Variants in TESPA1 observed in about 807,000 individuals in gnomAD.
TESPA1 encodes the protein thymocyte expressed, positive selection associated 1, also known as protein TESPA1.
Under a neutral mutation model 57.9 loss-of-function variants are expected in TESPA1, and 33 were observed. The ratio of observed to expected loss-of-function variants is 0.57; its 90% CI spans 0.43 to 0.76. The LOEUF is 0.76. Ranked by LOEUF, TESPA1 falls within the 30% of genes least tolerant of loss-of-function variation. The pLI, the probability that TESPA1 is intolerant of heterozygous loss-of-function variation, is 0.00. For missense variants in TESPA1, 618 were observed against 632.9 expected, an observed-to-expected ratio of 0.98 and a Z score of 0.25; for synonymous variants, 227 against 228.9, an observed-to-expected ratio of 0.99 and a Z score of 0.07.
rs1305920052 is a variant in TESPA1, at chr12:54,948,781, G to A, written c.*1611C>T. On this transcript the variant is annotated 3_prime_UTR_variant, in exon 11 of 11. Transcript: ENST00000449076. ...AATGGACTAATACAGTTCTTTAAAT[G>A]AAATATTGTCAGATATTTCTGTTCT... 6.6e-6 allele frequency: 1 copy of A among 152,286 alleles called. No individual in the cohort carries two copies. The allele number at this position is 152,286 out of a possible 1,614,324, so 9.4% of individuals were successfully genotyped here.
intron 1 of TESPA1, among the ~76,000 whole-genome samples, chr12:54,976,905 T>A (rs1353482853): frequency 6.6e-6 from 1 of 152,160 alleles, no homozygotes; most frequent in Admixed American, 6.5e-5. Context: ...ACCTCTTTTT[T>A]TAACCTCGGT....
intron 1 of TESPA1, among the ~76,000 whole-genome samples, chr12:54,980,750 G>A (rs1952285756): frequency 6.6e-6 from 1 of 152,274 alleles, no homozygotes; most frequent in East Asian, 1.9e-4. Context: ...ACTTCACCAT[G>A]GGGCAATTTT....
At chr12:54,984,347 A>T (rs184552778) in intron 1 of TESPA1, among the ~76,000 whole-genome samples, 11 of 152,312 alleles carry the variant, frequency 7.2e-5, no homozygotes, top group Admixed American at 7.2e-4. Context: ...AGAATCTAGA[A>T]AGATTACCTC....
rs1449723811 is a variant in TESPA1, at chr12:54,984,701, T to C, written c.-162A>G. On this transcript the variant is annotated 5_prime_UTR_variant, in exon 1 of 11. Coordinates refer to ENST00000449076, the MANE Select transcript of TESPA1 (RefSeq NM_001136030.3). ...TGAGAAAGTATCATGTTGTAGATTA[T>C]GCCTTTCTCCCTGAACTCATTCAAC... 6.6e-6 allele frequency: 1 copy of C among 152,296 alleles called. No homozygotes were observed. Among genetic ancestry groups the C allele is most frequent in the African/African-American group, 2.4e-5 (1 of 41,454 alleles). 9.4% of individuals were successfully genotyped at this position (152,296 alleles called of 1,614,324 possible).
intron 1 of TESPA1, among the ~76,000 whole-genome samples, chr12:54,979,159 C>T (rs1952228687): frequency 1.3e-5 from 2 of 152,224 alleles, no homozygotes; most frequent in South Asian, 4.2e-4. Flanking sequence ...ATAAGGTCAC[C>T]CAAGTCTGAC....
intron 10 of TESPA1, among the ~76,000 whole-genome samples, chr12:54,953,792 T>C (rs1950555160): frequency 6.6e-6 from 1 of 152,160 alleles, no homozygotes; most frequent in Non-Finnish European, 1.5e-5. Context: ...AGTGCTGGGA[T>C]TACAGGCGTG....
upstream of TESPA1, among the ~76,000 whole-genome samples, chr12:54,985,021 T>C (rs1174361114): frequency 6.6e-6 from 1 of 152,124 alleles, no homozygotes; most frequent in African/African-American, 2.4e-5. Flanking sequence ...TAACTAGAAT[T>C]CCACTGCTGC....
chr12:54,966,653 T>C (rs1951453724), intron 5 of TESPA1, among the ~76,000 whole-genome samples: 1 of 152,196 alleles, frequency 6.6e-6, no homozygotes. Flanking sequence ...TATGAACTTC[T>C]GACCCATGAC....
Position 54,967,790 on chromosome 12 carries a change from G to A in TESPA1, c.256+53C>T, listed in dbSNP as rs893707554. 2.5e-6 allele frequency: 4 copies of A among 1,601,308 alleles called. No homozygotes were observed. In the African/African-American group the frequency reaches 5.4e-5, roughly 21 times the overall value. ...AAACACTCACATACACACACGCACAGGTATATCACTCTCCAGGTAGAAGAA... is the reference window on the plus strand; with the variant it reads ...AAACACTCACATACACACACGCACAAGTATATCACTCTCCAGGTAGAAGAA... On this transcript the variant is annotated intron_variant, in intron 4 of 10. Transcript: ENST00000449076.
chr12:54,960,955 C>G (rs1310049268), intron 10 of TESPA1, among the ~76,000 whole-genome samples: 1 of 152,124 alleles, frequency 6.6e-6, no homozygotes, highest in Non-Finnish European at 1.5e-5. Flanking sequence ...GATTGTGATG[C>G]CTGCCAAAGC....
At chr12:54,975,852 A>G (rs1952117216) in intron 1 of TESPA1, among the ~76,000 whole-genome samples, 3 of 152,234 alleles carry the variant, frequency 2.0e-5, no homozygotes. Context: ...CTAGGGCAGT[A>G]AAATTGTTTT....
At chr12:54,976,278 C>T (rs1016141882) in intron 1 of TESPA1, among the ~76,000 whole-genome samples, 22 of 152,046 alleles carry the variant, frequency 1.4e-4, no homozygotes, top group Non-Finnish European at 8.8e-5. Flanking sequence ...GACCTTAGGA[C>T]AAGAATCTAA....
rs184502375 is a variant in TESPA1 at position 54,966,644 on chromosome 12, A to G, written c.311-220T>C. Among the ~76,000 whole-genome samples, 5 of 152,240 alleles carry G rather than the reference A, an allele frequency of 3.3e-5. No homozygotes were observed. The East Asian group carries it at 7.7e-4, about 23-fold the overall frequency. On this transcript the variant is annotated intron_variant, in intron 5 of 10. Transcript: ENST00000449076. ...CCAGAGAGTAACTGGCCTTAACCCT[A>G]TGAACTTCTGACCCATGACTGATGT...
At chr12:54,969,078 T>C (rs1003456413) in intron 3 of TESPA1, among the ~76,000 whole-genome samples, 1 of 146,100 alleles carries the variant, frequency 6.8e-6, no homozygotes, top group Non-Finnish European at 1.5e-5. Context: ...TATAGATATA[T>C]CTTTTGCTTG....
intron 7 of TESPA1, among the ~76,000 whole-genome samples, chr12:54,965,170 C>T (rs1951345000): frequency 6.6e-6 from 1 of 152,162 alleles, no homozygotes; most frequent in African/African-American, 2.4e-5. Context: ...TTGTCCGCTT[C>T]ATCTTTTCTT....
chr12:54,958,534 C>T (rs1463654), intron 10 of TESPA1, among the ~76,000 whole-genome samples: 17,172 of 151,352 alleles, frequency 0.11, 2,345 homozygotes, highest in East Asian at 0.65. Context: ...TCTCTGAGCT[C>T]TCTGGATCTG....
Position 54,950,446 on chromosome 12 carries a change from CT to C in TESPA1, c.*2-57del, listed in dbSNP as rs538057250. The C allele has an allele frequency of 1.4e-3, 563 of 407,660 alleles. 6 individuals carry two copies. The highest frequency in any genetic ancestry group is 6.1e-3 in the South Asian group (337 of 55,212). The allele number at this position is 407,660 out of a possible 1,614,324, so 25.3% of individuals were successfully genotyped here. Reference sequence around the variant, plus strand: ...TGCATTTTTTAAACAACTTTGGGTACTGAGGTTGGTAGGAACTTTCATACCT... The same window carrying C: ...TGCATTTTTTAAACAACTTTGGGTACGAGGTTGGTAGGAACTTTCATACCT... On this transcript the variant is annotated intron_variant, in intron 10 of 10. Coordinates refer to ENST00000449076, the MANE Select transcript of TESPA1 (RefSeq NM_001136030.3).
intron 1 of TESPA1, among the ~76,000 whole-genome samples, chr12:54,981,458 T>G (rs578251229): frequency 4.7e-4 from 71 of 149,934 alleles, no homozygotes; most frequent in African/African-American, 1.7e-3. Flanking sequence ...CATTAGGAGA[T>G]GTACCTAATG....
chr12:54,961,558 A>G (rs1335846910), intron 9 of TESPA1, among the ~76,000 whole-genome samples: 1 of 152,258 alleles, frequency 6.6e-6, no homozygotes, highest in Non-Finnish European at 1.5e-5. Context: ...AGTATCTTCC[A>G]TAGACCCAGG....
Sources: allele counts gnomAD v4.1 joint callset (sites outside exome capture counted in the v4.1 genomes callset), GRCh38; gene constraint gnomAD v4.1.1; transcripts MANE v1.5; gene names NCBI Gene and HGNC (gene_info 2026-07-23, HGNC 2026-07-21).